Variants in OPCML observed in about 807,000 individuals in gnomAD.
The protein encoded by OPCML is opioid-binding protein/cell adhesion molecule.
A neutral mutation model predicts 37.8 loss-of-function variants in OPCML; 13 were observed. The ratio of observed to expected loss-of-function variants is 0.34; its 90% CI spans 0.22 to 0.55. The LOEUF is 0.55. Ranked by LOEUF, OPCML falls within the 20% of genes least tolerant of loss-of-function variation. The pLI is 0.91. For missense variants in OPCML, 341 were observed against 435.6 expected, an observed-to-expected ratio of 0.78 and a Z score of 1.93; for synonymous variants, 176 against 168.8, an observed-to-expected ratio of 1.04 and a Z score of -0.33.
intron 1 of OPCML, among the ~76,000 whole-genome samples, chr11:132,961,374 A>T (rs1312673108): frequency 6.6e-6 from 1 of 152,210 alleles, no homozygotes; most frequent in Non-Finnish European, 1.5e-5. Flanking sequence ...AGAGCCCAAG[A>T]TATAAACAAA....
At chr11:132,796,572 T>C (rs1485987954) in intron 2 of OPCML, among the ~76,000 whole-genome samples, 4 of 129,954 alleles carry the variant, frequency 3.1e-5, no homozygotes, top group African/African-American at 6.5e-5. Context: ...TTTCTTTTTT[T>C]TTTTTTTTTT....
At chr11:133,385,848 G>C (rs1383918891) in intron 1 of OPCML, among the ~76,000 whole-genome samples, 1 of 152,308 alleles carries the variant, frequency 6.6e-6, no homozygotes, top group African/African-American at 2.4e-5. Flanking sequence ...GGATGGAGAA[G>C]AAGCTGGAGT....
chr11:133,503,389 C>T (rs1454193317), intron 1 of OPCML, among the ~76,000 whole-genome samples: 3 of 152,180 alleles, frequency 2.0e-5, no homozygotes, highest in African/African-American at 7.2e-5. Context: ...AACAACCCCT[C>T]CCTCACCCTC....
intron 1 of OPCML, among the ~76,000 whole-genome samples, chr11:133,158,427 C>G (rs1425246216): frequency 2.0e-5 from 3 of 152,154 alleles, no homozygotes; most frequent in Non-Finnish European, 2.9e-5. Flanking sequence ...CAGGGCCAGG[C>G]ATGGTGGCTC....
intron 2 of OPCML, among the ~76,000 whole-genome samples, chr11:132,928,334 G>T (rs1308019020): frequency 6.6e-6 from 1 of 151,586 alleles, no homozygotes; most frequent in Non-Finnish European, 1.5e-5. Flanking sequence ...GGTGGCTATG[G>T]GATAGCACAC....
intron 2 of OPCML, among the ~76,000 whole-genome samples, chr11:132,764,798 C>T (rs1946380614): frequency 6.6e-6 from 1 of 152,194 alleles, no homozygotes; most frequent in Non-Finnish European, 1.5e-5. Flanking sequence ...TAGTAAGAGT[C>T]TGCCTTTCCT....
intron 3 of OPCML, among the ~76,000 whole-genome samples, chr11:132,655,540 C>A (rs529156283): frequency 6.6e-6 from 1 of 152,344 alleles, no homozygotes; most frequent in African/African-American, 2.4e-5. Context: ...GAGTGGAAAC[C>A]CGCAGCATCT....
chr11:132,670,895 A>G (rs1942445956), intron 2 of OPCML, among the ~76,000 whole-genome samples: 2 of 152,270 alleles, frequency 1.3e-5, no homozygotes, highest in South Asian at 4.1e-4. Flanking sequence ...CTACACATAC[A>G]TCAGTTTTAC....
intron 2 of OPCML, among the ~76,000 whole-genome samples, chr11:132,798,956 G>A (rs138586003): frequency 7.9e-5 from 12 of 152,286 alleles, no homozygotes; most frequent in Non-Finnish European, 1.5e-4. Context: ...CAATCGTACT[G>A]TAAACAGATG....
intron 4 of OPCML, among the ~76,000 whole-genome samples, chr11:132,484,644 A>G (rs1283417904): frequency 1.3e-5 from 2 of 152,170 alleles, no homozygotes; most frequent in Non-Finnish European, 2.9e-5. Flanking sequence ...CATTATTCAC[A>G]ATAGCAAAGA....
chr11:133,049,708 G>A (rs940505104), intron 1 of OPCML, among the ~76,000 whole-genome samples: 6 of 152,178 alleles, frequency 3.9e-5, no homozygotes, highest in East Asian at 3.9e-4. Context: ...ACCCGTCACC[G>A]TGCAGGACAG....
At chr11:133,475,828 T>C (rs1947226899) in intron 1 of OPCML, among the ~76,000 whole-genome samples, 1 of 152,190 alleles carries the variant, frequency 6.6e-6, no homozygotes, top group African/African-American at 2.4e-5. Flanking sequence ...GTGTCTCCCC[T>C]GAGATCATTC....
chr11:133,365,733 T>C (rs1944524514), intron 1 of OPCML: 1 of 152,250 alleles, frequency 6.6e-6, no homozygotes, highest in Non-Finnish European at 1.5e-5. Context: ...TCCAGCTTCC[T>C]ACCCTCAGTG....
chr11:133,149,351 A>G (rs1462186639), intron 1 of OPCML, among the ~76,000 whole-genome samples: 1 of 152,164 alleles, frequency 6.6e-6, no homozygotes, highest in Non-Finnish European at 1.5e-5. Context: ...GTAGTATATC[A>G]CCCATATATT....
At chr11:132,556,406 T>C (rs1044987062) in intron 3 of OPCML, among the ~76,000 whole-genome samples, 21 of 152,184 alleles carry the variant, frequency 1.4e-4, no homozygotes, top group African/African-American at 5.1e-4. Flanking sequence ...TGCTTCTAAT[T>C]ATGGAATCAT....
intron 1 of OPCML, among the ~76,000 whole-genome samples, chr11:132,959,532 C>T (rs1200871849): frequency 6.6e-6 from 1 of 152,188 alleles, no homozygotes; most frequent in Non-Finnish European, 1.5e-5. Flanking sequence ...ACAGAGCAAT[C>T]TTTCGGGAAG....
chr11:133,513,285 A>G (rs570024165), intron 1 of OPCML, among the ~76,000 whole-genome samples: 1 of 152,226 alleles, frequency 6.6e-6, no homozygotes. Context: ...TTTTTCTGAC[A>G]TTTAAATGAC....
At chr11:132,633,721 A>T (rs1037184251) in intron 3 of OPCML, among the ~76,000 whole-genome samples, 45 of 152,184 alleles carry the variant, frequency 3.0e-4, no homozygotes, top group African/African-American at 1.0e-3. Flanking sequence ...AGGGGTGTGT[A>T]TGGGTGTGGG....
At chr11:133,025,994 A>G (rs766909116) in intron 1 of OPCML, 17 of 920,290 alleles carry the variant, frequency 1.8e-5, no homozygotes, top group African/African-American at 3.6e-5. Flanking sequence ...CTTGGCCACC[A>G]AAGGTGCTGG....
Sources: gnomAD v4.1 joint callset for allele counts (sites outside exome capture counted in the v4.1 genomes callset) on GRCh38, gnomAD v4.1.1 for gene constraint, MANE v1.5 for transcripts, NCBI Gene and HGNC (gene_info 2026-07-23, HGNC 2026-07-21) for gene names.